Variants in AOX1 observed in about 807,000 individuals in gnomAD.
AOX1 encodes aldehyde oxidase.
AOX1 carries 153 observed loss-of-function variants against 169.5 expected under a neutral mutation model. The observed-to-expected ratio is 0.90, with a 90% confidence interval of 0.79 to 1.03. The LOEUF (loss-of-function observed/expected upper bound fraction) is 1.03, where lower values mean the gene tolerates loss of function less well. AOX1 is among the 50% of genes least tolerant of loss of function. The pLI, the probability that AOX1 is intolerant of heterozygous loss-of-function variation, is 0.00. For missense variants in AOX1, 1,656 were observed against 1,663.9 expected (o/e 1.00, Z 0.08); for synonymous variants, 562 against 581.9 (o/e 0.97, Z 0.49).
At chr2:200,636,682 G>A (rs990373052) in intron 21 of AOX1, among the ~76,000 whole-genome samples, 4 of 152,170 alleles carry the variant, frequency 2.6e-5, no homozygotes, top group African/African-American at 7.2e-5. Context: ...GAGATCAGTT[G>A]GGGCTGTGGG....
chr2:200,628,041 C>A (rs888141841), intron 20 of AOX1, among the ~76,000 whole-genome samples: 1 of 151,990 alleles, frequency 6.6e-6, no homozygotes, highest in African/African-American at 2.4e-5. Context: ...ATTAAATTTG[C>A]CTCTTAGAAA....
At chr2:200,611,515 T>C in intron 13 of AOX1, 22 bp downstream of exon 13, 1 of 1,471,872 alleles carries the variant, frequency 6.8e-7, no homozygotes, top group Non-Finnish European at 9.5e-7. Flanking sequence ...CCACTGTCAA[T>C]TTCCCAGTTG....
At position 200,586,120 on chromosome 2, in the gene AOX1, G is replaced by A. The variant is rs2034024031; in HGVS notation, c.12G>A (p.Ala4=). Reference sequence around the variant, plus strand: ...GCGCGGACACCACAATGGACCGGGCGTCCGAGCTGCTCTTCTACGTGAACG... The same window carrying A: ...GCGCGGACACCACAATGGACCGGGCATCCGAGCTGCTCTTCTACGTGAACG... MDR[A]SELLFYVNGR... is the part of the protein sequence containing the mutation. Residue 4 remains alanine (A), a synonymous_variant, in exon 1 of 35, where the codon GCG becomes GCA. Transcript: ENST00000374700. The A allele has an allele frequency of 1.3e-6, 2 of 1,563,088 alleles. No individual in the cohort carries two copies. Among genetic ancestry groups the A allele is most frequent in the African/African-American group, 1.4e-5 (1 of 73,678 alleles).
At chr2:200,620,960 T>G in intron 17 of AOX1, 141 bp downstream of exon 17, 1 of 1,308,372 alleles carries the variant, frequency 7.6e-7, no homozygotes, top group Non-Finnish European at 1.1e-6. Flanking sequence ...AGGATCGAAA[T>G]GTAGGATTTA....
intron 1 of AOX1, 69 bp from the exon 2 acceptor site, chr2:200,593,077 A>G: frequency 8.4e-7 from 1 of 1,194,838 alleles, no homozygotes; most frequent in Non-Finnish European, 1.2e-6. Flanking sequence ...CCCTCAAATT[A>G]GTGTGATCCT....
downstream of AOX1, among the ~76,000 whole-genome samples, chr2:200,679,813 G>A (rs2036138033): frequency 6.6e-6 from 1 of 152,176 alleles, no homozygotes; most frequent in East Asian, 1.9e-4. Flanking sequence ...TGGGCACAGT[G>A]GTGCACACCT....
intron 15 of AOX1, among the ~76,000 whole-genome samples, chr2:200,614,462 G>A (rs1236847633): frequency 6.6e-6 from 1 of 152,168 alleles, no homozygotes; most frequent in East Asian, 1.9e-4. Context: ...GTGCTTCAGA[G>A]GAAATCTGTA....
chr2:200,651,053 G>A lies in AOX1; in HGVS notation c.2927G>A (p.Cys976Tyr), dbSNP rs1206145536. The A allele has an allele frequency of 1.9e-6, 3 of 1,614,238 alleles. No individual in the cohort carries two copies. The highest frequency in any genetic ancestry group is 1.3e-5 in the African/African-American group (1 of 75,068). ...ATCAATGCCAAGAACCTAATCCAGT[G>A]TTGGAGAGAATGTATGGCCATGTCT... ...QEINAKNLIQCWRECMAMSSY... is the reference protein window; with the variant it reads ...QEINAKNLIQYWRECMAMSSY... The change falls in exon 26 of 35, where the codon TGT (cysteine) becomes TAT (tyrosine). Residue 976 changes from cysteine (C) to tyrosine (Y), a missense_variant. Coordinates refer to ENST00000374700, the MANE Select transcript of AOX1 (RefSeq NM_001159.4).
At chr2:200,638,393 G>A in intron 23 of AOX1, 91 bp downstream of exon 23, 1 of 1,117,390 alleles carries the variant, frequency 8.9e-7, no homozygotes, top group Non-Finnish European at 1.3e-6. Context: ...TCTCTAGTGG[G>A]GAGTAACAAT....
chr2:200,665,720 G>A (rs775051505), intron 31 of AOX1, among the ~76,000 whole-genome samples: 36 of 152,198 alleles, frequency 2.4e-4, no homozygotes, highest in Admixed American at 1.1e-3. Context: ...GCATAAGCCA[G>A]CCCCACCAGC....
intron 21 of AOX1, 133 bp downstream of exon 21, chr2:200,635,048 G>C: frequency 9.5e-7 from 1 of 1,052,946 alleles, no homozygotes; most frequent in South Asian, 1.6e-5. Context: ...GGAGCTCAAG[G>C]CTTCAGTGAT....
At chr2:200,655,664 CT>C (rs1248357563) in intron 26 of AOX1, among the ~76,000 whole-genome samples, 2 of 152,168 alleles carry the variant, frequency 1.3e-5, no homozygotes, top group African/African-American at 2.4e-5. Context: ...TGCATTTTCA[CT>C]GTCAAACTTG....
intron 13 of AOX1, among the ~76,000 whole-genome samples, chr2:200,611,707 A>T (rs1171546949): frequency 6.9e-6 from 1 of 144,360 alleles, no homozygotes; most frequent in African/African-American, 2.6e-5. Context: ...GAATTAGGAG[A>T]TTTTTTTTTT....
chr2:200,641,697 T>A (rs992931716), intron 24 of AOX1, among the ~76,000 whole-genome samples: 3 of 152,078 alleles, frequency 2.0e-5, no homozygotes, highest in African/African-American at 7.2e-5. Flanking sequence ...CTAGCTAATT[T>A]TTTTTTATTA....
At position 200,663,603 on chromosome 2, in the gene AOX1, C is replaced by T. The variant is rs993315617; in HGVS notation, c.3543+634C>T. 6.4e-4 allele frequency among the ~76,000 whole-genome samples: 97 copies of T among 152,118 alleles called. 1 individual carries two copies. The highest frequency in any genetic ancestry group is 2.2e-3 in the African/African-American group (92 of 41,516). On this transcript the variant is annotated intron_variant, in intron 31 of 34. Coordinates refer to ENST00000374700, the MANE Select transcript of AOX1 (RefSeq NM_001159.4). Reference sequence around the variant, plus strand: ...TCTCTCTCTCTCTCTCTCTCCCCCTCTTTCTGTCTCTGTTGCTTCAAAGAC... The same window carrying T: ...TCTCTCTCTCTCTCTCTCTCCCCCTTTTTCTGTCTCTGTTGCTTCAAAGAC...
At chr2:200,597,911 C>T (rs898217405) in intron 4 of AOX1, among the ~76,000 whole-genome samples, 2 of 152,110 alleles carry the variant, frequency 1.3e-5, no homozygotes, top group Non-Finnish European at 2.9e-5. Flanking sequence ...GAGTTTGAGA[C>T]CAGCTTAGGC....
intron 3 of AOX1, among the ~76,000 whole-genome samples, chr2:200,595,830 T>G (rs923092011): frequency 3.2e-4 from 48 of 152,194 alleles, no homozygotes; most frequent in African/African-American, 8.4e-4. Context: ...CCCTAACTTA[T>G]CTCCTTCCTC....
chr2:200,633,613 G>T (rs1170515104), intron 20 of AOX1, among the ~76,000 whole-genome samples: 4 of 151,676 alleles, frequency 2.6e-5, no homozygotes, highest in Non-Finnish European at 5.9e-5. Context: ...TCAAGTGTTT[G>T]TGTAATTGCT....
At chr2:200,600,477 G>GC (rs534273000) in intron 5 of AOX1, among the ~76,000 whole-genome samples, 6 of 47,052 alleles carry the variant, frequency 1.3e-4, no homozygotes, top group African/African-American at 2.4e-4. Context: ...GTATGTGGCG[G>GC]GGGGGGACAT....
Sources: gnomAD v4.1 joint callset for allele counts (sites outside exome capture counted in the v4.1 genomes callset) on GRCh38, gnomAD v4.1.1 for gene constraint, MANE v1.5 for transcripts, NCBI Gene and HGNC (gene_info 2026-07-23, HGNC 2026-07-21) for gene names.